The following SSBP3 variants were observed in gnomAD, a reference collection of about 807,000 sequenced individuals.
The protein encoded by SSBP3 is single stranded DNA binding protein 3, also known as single-stranded DNA-binding protein 3.
In SSBP3, 5 loss-of-function variants were observed where a neutral mutation model predicts 69.6. That is an observed-to-expected ratio of 0.07 (90% CI 0.04 to 0.15). The LOEUF (loss-of-function observed/expected upper bound fraction) is 0.15. Ranked by LOEUF, SSBP3 falls within the 10% of genes least tolerant of loss-of-function variation. The probability of loss-of-function intolerance (pLI) is 1.00; values close to 1 mark genes in which losing one functional copy is unlikely to be tolerated. For missense variants in SSBP3, 312 were observed against 534.0 expected (o/e 0.58, Z 4.10); for synonymous variants, 196 against 193.4 (o/e 1.01, Z -0.11).
At chr1:54,307,061 A>G (rs1645913301) in intron 4 of SSBP3, among the ~76,000 whole-genome samples, 1 of 152,154 alleles carries the variant, frequency 6.6e-6, no homozygotes, top group Non-Finnish European at 1.5e-5. Flanking sequence ...CCAGGCCTCA[A>G]CACATCACCA....
intron 4 of SSBP3, chr1:54,285,529 T>C (rs142222577): frequency 3.3e-5 from 5 of 152,206 alleles, no homozygotes; most frequent in Non-Finnish European, 7.4e-5. Context: ...ATTATTATTA[T>C]AATTAGAGAC....
intron 5 of SSBP3, among the ~76,000 whole-genome samples, chr1:54,273,421 C>T (rs995333699): frequency 6.6e-6 from 1 of 152,208 alleles, no homozygotes; most frequent in African/African-American, 2.4e-5. Context: ...CAGCCGCCGC[C>T]GAGGCAGCCT....
chr1:54,237,431 T>C (rs899998868), intron 14 of SSBP3: 1 of 152,206 alleles, frequency 6.6e-6, no homozygotes. Context: ...GCTGTCTCTT[T>C]GGAGGTCAAA....
Position 54,364,801 on chromosome 1 carries a change from A to T in SSBP3, c.276+37060T>A, listed in dbSNP as rs76759720. Among the ~76,000 whole-genome samples, 1,497 of 152,308 alleles carry T rather than the reference A, an allele frequency of 9.8e-3. 12 individuals carry two copies. The highest frequency in any genetic ancestry group is 0.011 in the Non-Finnish European group (736 of 68,034). ...CTCCTCCTCTCAGCAATGATGGTGA[A>T]CTTGGCAGTATCGAACCCAAACAGC... On this transcript the variant is annotated intron_variant, in intron 4 of 17. Coordinates refer to ENST00000610401, the Ensembl canonical transcript of SSBP3.
intron 5 of SSBP3, among the ~76,000 whole-genome samples, chr1:54,276,174 G>A (rs1300525855): frequency 1.3e-5 from 2 of 152,192 alleles, no homozygotes; most frequent in Non-Finnish European, 2.9e-5. Flanking sequence ...AAGATGGCAA[G>A]TATCTAGATG....
chr1:54,412,148 C>T (rs961675283), intron 1 of SSBP3, among the ~76,000 whole-genome samples: 1 of 151,988 alleles, frequency 6.6e-6, no homozygotes, highest in Admixed American at 6.6e-5. Flanking sequence ...AGAGCCCCTC[C>T]CAAAGGAACC....
At chr1:54,364,986 G>A (rs998633662) in intron 4 of SSBP3, among the ~76,000 whole-genome samples, 2 of 152,206 alleles carry the variant, frequency 1.3e-5, no homozygotes, top group African/African-American at 4.8e-5. Flanking sequence ...AACAGCTGTG[G>A]AAAATCAGGC....
At chr1:54,309,212 C>T (rs1557518312) in intron 4 of SSBP3, among the ~76,000 whole-genome samples, 5 of 152,304 alleles carry the variant, frequency 3.3e-5, no homozygotes, top group Non-Finnish European at 1.5e-5. Context: ...ACAAACCTGC[C>T]CTCTGGTCTT....
intron 14 of SSBP3, among the ~76,000 whole-genome samples, chr1:54,234,780 A>T (rs1468487465): frequency 6.6e-6 from 1 of 151,926 alleles, no homozygotes; most frequent in Non-Finnish European, 1.5e-5. Flanking sequence ...AAAAAAAAAA[A>T]AGAGATGGAG....
chr1:54,337,442 C>T lies in SSBP3; in HGVS notation c.277-55915G>A, dbSNP rs528803396. On this transcript the variant is annotated intron_variant, in intron 4 of 17. Transcript: ENST00000610401. ...TCTCGCTCCAGTCTCTGACTTCAAGCAGCAAAAGGTTGGCTGAACCAAAGC... is the reference window on the plus strand; with the variant it reads ...TCTCGCTCCAGTCTCTGACTTCAAGTAGCAAAAGGTTGGCTGAACCAAAGC... 4.8e-5 allele frequency among the ~76,000 whole-genome samples: 7 copies of T among 145,868 alleles called. No homozygotes were observed. In the South Asian group the frequency reaches 1.3e-3, roughly 27 times the overall value.
intron 4 of SSBP3, among the ~76,000 whole-genome samples, chr1:54,377,376 A>G (rs1311427233): frequency 6.6e-6 from 1 of 152,248 alleles, no homozygotes; most frequent in East Asian, 1.9e-4. Context: ...TGCTGAGTGT[A>G]TACAGGCCAC....
rs529683409 is a variant in SSBP3 at position 54,370,040 on chromosome 1, G to T, written c.276+31821C>A. Among the ~76,000 whole-genome samples the T allele has an allele frequency of 9.2e-5, 14 of 152,174 alleles. No individual in the cohort carries two copies. The East Asian group carries it at 2.7e-3, about 29-fold the overall frequency. ...CCTCTAAGCTTCCTTCAACTGGGAG[G>T]GTTCCATCATGTCTCCACAATTAGC... On this transcript the variant is annotated intron_variant, in intron 4 of 17. Coordinates refer to ENST00000610401, the Ensembl canonical transcript of SSBP3.
intron 4 of SSBP3, among the ~76,000 whole-genome samples, chr1:54,359,763 C>T (rs950554889): frequency 7.9e-5 from 12 of 152,166 alleles, no homozygotes; most frequent in Admixed American, 3.9e-4. Context: ...TTTCAGAGAG[C>T]AGAAATGGAG....
chr1:54,292,324 C>T (rs766613997), intron 4 of SSBP3, among the ~76,000 whole-genome samples: 8 of 152,342 alleles, frequency 5.3e-5, no homozygotes, highest in African/African-American at 9.6e-5. Flanking sequence ...TTGGCCTTAA[C>T]GAAAACCCTG....
At chr1:54,401,386 A>ACACACACG (rs974458159) in intron 4 of SSBP3, among the ~76,000 whole-genome samples, 6 of 151,936 alleles carry the variant, frequency 3.9e-5, no homozygotes, top group African/African-American at 1.5e-4. Flanking sequence ...AAACACACAC[A>ACACACACG]CACACACACA....
intron 4 of SSBP3, among the ~76,000 whole-genome samples, chr1:54,338,138 C>G (rs536869800): frequency 6.6e-6 from 1 of 152,354 alleles, no homozygotes; most frequent in South Asian, 2.1e-4. Context: ...GCACTCACTG[C>G]CTGCTCCAGG....
intron 5 of SSBP3, among the ~76,000 whole-genome samples, chr1:54,268,314 CCGCTCGCCAG>C (rs767219951): frequency 1.7e-4 from 26 of 152,264 alleles, no homozygotes; most frequent in Admixed American, 6.5e-4. Context: ...GCCTCCGCCA[CCGCTCGCCAG>C]CGCTCAGGCT....
upstream of SSBP3, among the ~76,000 whole-genome samples, chr1:54,407,184 G>C (rs1358169111): frequency 6.6e-6 from 1 of 152,130 alleles, no homozygotes. Flanking sequence ...CAGGGGACTT[G>C]AATTAAGAGG....
intron 5 of SSBP3, among the ~76,000 whole-genome samples, chr1:54,272,257 C>T (rs1645205756): frequency 1.3e-5 from 2 of 152,050 alleles, no homozygotes; most frequent in South Asian, 4.1e-4. Context: ...TAGAACAGTG[C>T]CTCACACTGA....
Sources: allele counts gnomAD v4.1 joint callset (sites outside exome capture counted in the v4.1 genomes callset), GRCh38; gene constraint gnomAD v4.1.1; transcripts MANE v1.5; gene names NCBI Gene and HGNC (gene_info 2026-07-23, HGNC 2026-07-21).